The following NPY2R variants were observed in gnomAD, a reference collection of about 807,000 sequenced individuals.
NPY2R encodes neuropeptide Y receptor Y2.
In NPY2R, 17 loss-of-function variants were observed where a neutral mutation model predicts 22.3. The ratio of observed to expected loss-of-function variants is 0.76; its 90% CI spans 0.52 to 1.14. The LOEUF is 1.14. Ranked by LOEUF, NPY2R falls within the 50% of genes most tolerant of loss-of-function variation. The pLI is 0.00. For missense variants in NPY2R, 424 were observed against 467.9 expected (o/e 0.91, Z 0.87); for synonymous variants, 209 against 183.4 (o/e 1.14, Z -1.13).
Position 155,214,791 on chromosome 4 carries a change from C to T in NPY2R, c.852C>T (p.Leu284=). The T allele has an allele frequency of 6.2e-7, 1 of 1,613,410 alleles. No homozygotes were observed. The highest frequency in any genetic ancestry group is 1.3e-5 in the African/African-American group (1 of 75,022). ...TGTTTGCGGTCAGCTGGCTGCCTCT[C>T]CATGCCTTCCAGCTTGCCGTTGACA... The part of the protein sequence containing the change: ...VVVFAVSWLP[L]HAFQLAVDID... Residue 284 remains leucine (L), a synonymous_variant, in exon 2 of 2, where the codon CTC becomes CTT. Transcript: ENST00000329476.
At chr4:155,185,670 T>A in the NPY2R span, among the ~76,000 whole-genome samples, 2 of 87,288 alleles carry the variant, frequency 2.3e-5, no homozygotes, top group Admixed American at 2.4e-4. Flanking sequence ...AAGAAATGCA[T>A]TTTTTTTTTT....
At chr4:155,193,688 G>A in the NPY2R span, among the ~76,000 whole-genome samples, 1 of 151,840 alleles carries the variant, frequency 6.6e-6, no homozygotes. Context: ...TGAATAGTTC[G>A]TGCATCCATA....
chr4:155,178,195 G>A, the NPY2R span, among the ~76,000 whole-genome samples: 1 of 152,016 alleles, frequency 6.6e-6, no homozygotes, highest in Non-Finnish European at 1.5e-5. Flanking sequence ...ACCTTTCCTT[G>A]TATCTTAACT....
At chr4:155,175,797 G>A in the NPY2R span, among the ~76,000 whole-genome samples, 3 of 140,236 alleles carry the variant, frequency 2.1e-5, no homozygotes, top group South Asian at 2.3e-4. Flanking sequence ...TAACAATAAA[G>A]AAAAAAGAAA....
the NPY2R span, among the ~76,000 whole-genome samples, chr4:155,177,090 T>C: frequency 6.6e-6 from 1 of 152,186 alleles, no homozygotes; most frequent in Non-Finnish European, 1.5e-5. Flanking sequence ...GCCCCCCAAA[T>C]TCATGTCCTT....
chr4:155,188,230 G>C, the NPY2R span, among the ~76,000 whole-genome samples: 3 of 152,054 alleles, frequency 2.0e-5, no homozygotes, highest in Non-Finnish European at 4.4e-5. Flanking sequence ...TCCAAAGCTT[G>C]ATAATCAGGC....
chr4:155,201,819 G>A, the NPY2R span, among the ~76,000 whole-genome samples: 2 of 152,194 alleles, frequency 1.3e-5, no homozygotes, highest in South Asian at 4.1e-4. Flanking sequence ...TGCCTGGTGA[G>A]AAATATAAGT....
In NPY2R at chr4:155,215,190, T is replaced by A; in HGVS notation, c.*105T>A. On this transcript the variant is annotated 3_prime_UTR_variant, in exon 2 of 2. Transcript: ENST00000329476. ...CTGATTTCCCATTTTAAAGAAGAAG[T>A]GGATCTAAATGGAAGCATCTGCTGT... The A allele has an allele frequency of 9.5e-7, 1 of 1,049,150 alleles. No individual in the cohort carries two copies. Among genetic ancestry groups the A allele is most frequent in the South Asian group, 1.3e-5 (1 of 74,374 alleles). 65.0% of individuals were successfully genotyped at this position (1,049,150 alleles called of 1,614,324 possible). A position where few individuals can be genotyped will look rare whatever the true frequency, so the allele number is the denominator to read the frequency against.
At chr4:155,195,150 T>C in the NPY2R span, among the ~76,000 whole-genome samples, 19 of 152,098 alleles carry the variant, frequency 1.2e-4, no homozygotes, top group African/African-American at 4.3e-4. Flanking sequence ...ATTGAATCTG[T>C]ATGAGCAACA....
At chr4:155,176,729 G>T in the NPY2R span, among the ~76,000 whole-genome samples, 1 of 151,996 alleles carries the variant, frequency 6.6e-6, no homozygotes, top group Non-Finnish European at 1.5e-5. Context: ...ATAAAGAATG[G>T]GAGTTTATTT....
chr4:155,187,982 G>A, the NPY2R span, among the ~76,000 whole-genome samples: 1 of 152,064 alleles, frequency 6.6e-6, no homozygotes, highest in African/African-American at 2.4e-5. Context: ...GCAGAATGAA[G>A]AACATTCTCC....
At chr4:155,203,733 A>G (rs1040496108), upstream of NPY2R, among the ~76,000 whole-genome samples, 2 of 152,194 alleles carry the variant, frequency 1.3e-5, no homozygotes, top group Non-Finnish European at 2.9e-5. Flanking sequence ...TACTAGTTCT[A>G]CAAGAGGGAC....
the NPY2R span, among the ~76,000 whole-genome samples, chr4:155,199,952 C>A: frequency 2.6e-5 from 4 of 152,014 alleles, no homozygotes; most frequent in African/African-American, 7.2e-5. Flanking sequence ...TAGGCATGGG[C>A]AAAGACTTCC....
At chr4:155,175,916 T>C in the NPY2R span, among the ~76,000 whole-genome samples, 1 of 152,122 alleles carries the variant, frequency 6.6e-6, no homozygotes, top group Non-Finnish European at 1.5e-5. Flanking sequence ...GATCATGCCA[T>C]TGAAATGGGC....
At chr4:155,198,102 G>C in the NPY2R span, among the ~76,000 whole-genome samples, 1 of 152,070 alleles carries the variant, frequency 6.6e-6, no homozygotes, top group South Asian at 2.1e-4. Flanking sequence ...AGCTCAAGCT[G>C]TACTTTGTGC....
upstream of NPY2R, chr4:155,208,007 G>A (rs1334058359): frequency 1.3e-5 from 2 of 152,304 alleles, no homozygotes; most frequent in African/African-American, 4.8e-5. The surrounding 1 kb of genome is among the most constrained non-coding windows in gnomAD (Gnocchi z 5.6). Context: ...TGGGCAGCAG[G>A]ATCTGAACTC....
intron 1 of NPY2R, 105 bp downstream of exon 1, chr4:155,209,174 T>C (rs1440809336): frequency 3.9e-5 from 6 of 152,214 alleles, no homozygotes; most frequent in Non-Finnish European, 7.3e-5. Context: ...CATGAGTGTA[T>C]GGACTTTTTC....
chr4:155,215,288 G>A lies in NPY2R; in HGVS notation c.*203G>A. 4.6e-6 allele frequency: 3 copies of A among 659,098 alleles called. No individual in the cohort carries two copies. Among genetic ancestry groups the A allele is most frequent in the Non-Finnish European group, 8.3e-6 (3 of 361,074 alleles). The allele number at this position is 659,098 out of a possible 1,614,324, so 40.8% of individuals were successfully genotyped here. ...AATTCAAAGATAAGGCAACAAAATG[G>A]TTTACTTAACAGTTGGTTGGGTAGT... On this transcript the variant is annotated 3_prime_UTR_variant, in exon 2 of 2. Coordinates refer to ENST00000329476, the MANE Select transcript of NPY2R (RefSeq NM_000910.4).
the NPY2R span, among the ~76,000 whole-genome samples, chr4:155,176,947 G>A: frequency 4.6e-5 from 7 of 152,134 alleles, no homozygotes; most frequent in African/African-American, 1.7e-4. Flanking sequence ...GCCTAAGCTA[G>A]TTCCTTCCAG....
Sources: gnomAD v4.1 joint callset for allele counts (sites outside exome capture counted in the v4.1 genomes callset) on GRCh38, gnomAD v4.1.1 for gene constraint, Gnocchi (gnomAD v3.1) non-coding constraint, MANE v1.5 for transcripts, NCBI Gene and HGNC (gene_info 2026-07-23, HGNC 2026-07-21) for gene names.